COPRS: variants seen among roughly 807,000 people sequenced by gnomAD.
COPRS encodes coordinator of PRMT5 and differentiation stimulator.
Under a neutral mutation model 19.9 loss-of-function variants are expected in COPRS, and 11 were observed. The observed-to-expected ratio is 0.55, with a 90% confidence interval of 0.35 to 0.92. The LOEUF (loss-of-function observed/expected upper bound fraction) is 0.92, where lower values mean the gene tolerates loss of function less well. Ranked by LOEUF, COPRS falls within the 40% of genes least tolerant of loss-of-function variation. COPRS has a pLI of 0.01. For synonymous variants in COPRS, 81 were observed against 82.7 expected, an observed-to-expected ratio of 0.98 and a Z score of 0.11; for missense variants, 225 against 229.9, an observed-to-expected ratio of 0.98 and a Z score of 0.14.
At chr17:31,856,748 C>CT (rs756567749) in intron 2 of COPRS, 51 bp downstream of exon 2, 3 of 1,092,936 alleles carry the variant, frequency 2.7e-6, no homozygotes, top group African/African-American at 1.5e-5. Flanking sequence ...GGGACTATTC[C>CT]TCTCCTCACA....
chr17:31,858,781 C>T (rs773512076), intron 1 of COPRS: 173 of 1,550,474 alleles, frequency 1.1e-4, no homozygotes, highest in Non-Finnish European at 1.4e-4. Flanking sequence ...AGGCTCCTGG[C>T]AGCGGGCCCC....
intron 2 of COPRS, 156 bp downstream of exon 2, chr17:31,856,643 A>AC: frequency 1.8e-6 from 1 of 559,380 alleles, no homozygotes; most frequent in Non-Finnish European, 3.1e-6. Context: ...GGAAGCTCCA[A>AC]GCAAGGCTTC....
In COPRS at chr17:31,859,204, T is replaced by G; in HGVS notation, c.-5A>C. The stretch of plus-strand genomic sequence containing the variant: ...CCCGGCGGCCTGAAGGTCCATGCCC[T>G]GCGGCCCGCGGCTGGTCGCCCTGGA... On this transcript the variant is annotated 5_prime_UTR_variant, in exon 1 of 4. Transcript: ENST00000302362. 9.6e-7 allele frequency: 1 copy of G among 1,042,758 alleles called. No individual in the cohort carries two copies. The highest frequency in any genetic ancestry group is 1.2e-6 in the Non-Finnish European group (1 of 865,496). The allele number at this position is 1,042,758 out of a possible 1,614,324, so 64.6% of individuals were successfully genotyped here.
chr17:31,859,049 C>G (rs893474560), intron 1 of COPRS, 52 bp downstream of exon 1: 1 of 1,158,200 alleles, frequency 8.6e-7, no homozygotes, highest in African/African-American at 1.6e-5. Flanking sequence ...CCCGCGACTT[C>G]CCGCCCCAGG....
At chr17:31,856,954 C>T (rs1303986024) in intron 1 of COPRS, 89 bp from the exon 2 acceptor site, 2 of 803,448 alleles carry the variant, frequency 2.5e-6, no homozygotes, top group Admixed American at 3.9e-5. Flanking sequence ...ACCCACTCTT[C>T]CATACTCCCC....
At chr17:31,858,772 G>A (rs1379805844) in intron 1 of COPRS, 1 of 1,550,504 alleles carries the variant, frequency 6.4e-7, no homozygotes, top group Non-Finnish European at 8.7e-7. Context: ...CCCTCGCCCA[G>A]GCTCCTGGCA....
At chr17:31,852,551 T>C (rs1050519588) in intron 3 of COPRS, among the ~76,000 whole-genome samples, 3 of 152,214 alleles carry the variant, frequency 2.0e-5, no homozygotes, top group Admixed American at 1.3e-4. Flanking sequence ...AGCACTTCTA[T>C]CTGCAGCTGC....
chr17:31,856,001 A>AC (rs1909337625), intron 2 of COPRS, among the ~76,000 whole-genome samples: 1 of 151,526 alleles, frequency 6.6e-6, no homozygotes, highest in African/African-American at 2.4e-5. Context: ...TCTCAAAAAA[A>AC]AAAAAAAACG....
rs751316538 is a variant in COPRS at position 31,856,878 on chromosome 17, G to C, written c.100-13C>G. 1.9e-6 allele frequency: 3 copies of C among 1,563,744 alleles called. No individual in the cohort carries two copies. Among genetic ancestry groups the C allele is most frequent in the Non-Finnish European group, 1.8e-6 (2 of 1,135,712 alleles). On this transcript the variant is annotated splice_polypyrimidine_tract_variant and intron_variant, in intron 1 of 3. Transcript: ENST00000302362. ...TAGCAAAGCCAGCCTGCAGGAAGAAGAAATGATTACCAAGGACTTGGGTAT... is the reference window on the plus strand; with the variant it reads ...TAGCAAAGCCAGCCTGCAGGAAGAACAAATGATTACCAAGGACTTGGGTAT...
In COPRS at chr17:31,852,982, C is replaced by A; in HGVS notation, c.215G>T (p.Gly72Val). The part of the protein sequence containing the change: ...IPNDSPARGE[G>V]THSEEEGFAM... ...AAAGCCTTCCTCTTCAGAATGGGTGCCCTCACCCCGGGCAGGACTGTCATT... is the reference window on the plus strand; with the variant it reads ...AAAGCCTTCCTCTTCAGAATGGGTGACCTCACCCCGGGCAGGACTGTCATT... The change falls in exon 3 of 4, where the codon GGC (glycine) becomes GTC (valine). Residue 72 changes from glycine to valine, a missense_variant. Coordinates refer to ENST00000302362, the MANE Select transcript of COPRS (RefSeq NM_018405.4). 6.2e-7 allele frequency: 1 copy of A among 1,614,000 alleles called. No individual in the cohort carries two copies. The highest frequency in any genetic ancestry group is 8.5e-7 in the Non-Finnish European group (1 of 1,179,884).
rs114063771 is a variant in COPRS at position 31,858,417 on chromosome 17, G to A, written c.99+684C>T. ...GAGGCATCATTCATCCAGTCGGTAT[G>A]TCTATCTCCTGTGCCAGGCACTATG... On this transcript the variant is annotated intron_variant, in intron 1 of 3. Transcript: ENST00000302362. The A allele has an allele frequency of 1.3e-3, 1,309 of 985,346 alleles. 15 individuals are homozygous for A. The African/African-American group carries it at 0.021, about 16-fold the overall frequency. 61.0% of individuals were successfully genotyped at this position (985,346 alleles called of 1,614,324 possible).
chr17:31,854,311 A>C (rs1909257072), intron 2 of COPRS, among the ~76,000 whole-genome samples: 1 of 134,692 alleles, frequency 7.4e-6, no homozygotes, highest in African/African-American at 2.8e-5. Flanking sequence ...TGGAGGCTGC[A>C]GTGAGCCAAG....
chr17:31,856,176 A>G (rs958340038), intron 2 of COPRS, among the ~76,000 whole-genome samples: 2 of 151,900 alleles, frequency 1.3e-5, no homozygotes, highest in African/African-American at 4.8e-5. Flanking sequence ...AGCTACTAAA[A>G]ATACAAAAGT....
intron 1 of COPRS, chr17:31,858,637 T>G: frequency 8.8e-7 from 1 of 1,141,668 alleles, no homozygotes; most frequent in Non-Finnish European, 1.3e-6. Flanking sequence ...CTTTCTGGTT[T>G]CAGTAAGGAG....
rs1321169878 is a variant in COPRS at position 31,855,723 on chromosome 17, T to G, written c.166+1076A>C. Among the ~76,000 whole-genome samples the G allele has an allele frequency of 1.3e-4, 19 of 148,042 alleles. 1 individual carries two copies. The highest frequency in any genetic ancestry group is 8.9e-5 in the Non-Finnish European group (6 of 67,232). On this transcript the variant is annotated intron_variant, in intron 2 of 3. Coordinates refer to ENST00000302362, the MANE Select transcript of COPRS (RefSeq NM_018405.4). ...GAAAAAGAAAAAAAGGGGCCAAGCG[T>G]GGTAGCTCACACCTGTAATCCCAGC...
chr17:31,855,099 G>A (rs563394360), intron 2 of COPRS, among the ~76,000 whole-genome samples: 115 of 152,314 alleles, frequency 7.6e-4, no homozygotes, highest in South Asian at 2.5e-3. Context: ...AAAAAGGCCA[G>A]GCACGGTGGC....
chr17:31,855,557 A>G (rs1385839661), intron 2 of COPRS, among the ~76,000 whole-genome samples: 1 of 151,830 alleles, frequency 6.6e-6, no homozygotes, highest in African/African-American at 2.4e-5. Flanking sequence ...GATATGGTGC[A>G]CGCCTGTAAT....
At chr17:31,858,650 G>A in intron 1 of COPRS, 1 of 1,221,728 alleles carries the variant, frequency 8.2e-7, no homozygotes, top group Non-Finnish European at 1.2e-6. Flanking sequence ...GTAAGGAGAA[G>A]GGGGAGCGCG....
chr17:31,857,755 GGGT>G (rs1909407911), intron 1 of COPRS, among the ~76,000 whole-genome samples: 1 of 152,128 alleles, frequency 6.6e-6, no homozygotes, highest in Non-Finnish European at 1.5e-5. Flanking sequence ...CAGAAATTAG[GGGT>G]GACTGTTCTG....
Sources: allele counts gnomAD v4.1 joint callset (sites outside exome capture counted in the v4.1 genomes callset), GRCh38; gene constraint gnomAD v4.1.1; transcripts MANE v1.5; gene names NCBI Gene and HGNC (gene_info 2026-07-23, HGNC 2026-07-21).